Variants in PTPA observed in about 807,000 individuals in gnomAD.
PTPA encodes serine/threonine-protein phosphatase 2A activator.
A neutral mutation model predicts 43.6 loss-of-function variants in PTPA; 13 were observed. The observed-to-expected ratio is 0.30, with a 90% CI of 0.19 to 0.47. The LOEUF (loss-of-function observed/expected upper bound fraction) is 0.47. Among genes scored for constraint, PTPA ranks in the 20% least tolerant of loss-of-function variants. The pLI is 0.99. For synonymous variants in PTPA, 172 were observed against 158.2 expected (o/e 1.09, Z -0.66); for missense variants, 329 against 411.9 (o/e 0.80, Z 1.74).
At chr9:129,135,252 G>T (rs1363903059) in intron 6 of PTPA, among the ~76,000 whole-genome samples, 1 of 152,138 alleles carries the variant, frequency 6.6e-6, no homozygotes, top group East Asian at 1.9e-4. Context: ...AATTAGCTGG[G>T]CGTGGTGGCA....
intron 1 of PTPA, among the ~76,000 whole-genome samples, chr9:129,115,923 C>T (rs1375643890): frequency 6.6e-6 from 1 of 151,700 alleles, no homozygotes; most frequent in East Asian, 1.9e-4. Flanking sequence ...GATTACAGGC[C>T]TGAGCCACCG....
rs35481042 is a variant in PTPA, at chr9:129,136,498, G to A, written c.588G>A (p.Gln196=). ...NRYLEVMRKL[Q]KTYRMEPAGS... The stretch of plus-strand genomic sequence containing the variant: ...ACCTTGAGGTTATGCGGAAACTCCA[G>A]AAAACATACAGGATGGAGCCAGCCG... Residue 196 remains glutamine (Q), a synonymous_variant, in exon 7 of 10, where the codon CAG becomes CAA. Coordinates refer to ENST00000393370, the MANE Select transcript of PTPA (RefSeq NM_178000.3). 6.2e-7 allele frequency: 1 copy of A among 1,613,896 alleles called. No homozygotes were observed. Among genetic ancestry groups the A allele is most frequent in the Non-Finnish European group, 8.5e-7 (1 of 1,179,866 alleles).
intron 5 of PTPA, among the ~76,000 whole-genome samples, chr9:129,134,190 G>C (rs1359728828): frequency 6.6e-6 from 1 of 151,842 alleles, no homozygotes; most frequent in African/African-American, 2.4e-5. Flanking sequence ...TTACATAGTA[G>C]GTGCTCAGTA....
chr9:129,135,577 T>G (rs919135787), intron 6 of PTPA, among the ~76,000 whole-genome samples: 2 of 152,248 alleles, frequency 1.3e-5, no homozygotes, highest in African/African-American at 2.4e-5. Flanking sequence ...GTGTCTTCAC[T>G]GGGTTCACGC....
Position 129,147,573 on chromosome 9 carries a change from A to ACT in PTPA, c.*109_*110insCT. The ACT allele has an allele frequency of 8.2e-7, 1 of 1,226,080 alleles. No individual in the cohort carries two copies. The highest frequency in any genetic ancestry group is 2.5e-5 in the East Asian group (1 of 40,014). 76.0% of individuals were successfully genotyped at this position (1,226,080 alleles called of 1,614,324 possible). ...CCCTCTGTTCGTCCCGTTTGATGAG[A>ACT]GGCTGTTTACTGGGGTGGGGTGGCG... On this transcript the variant is annotated 3_prime_UTR_variant, in exon 10 of 10. Coordinates refer to ENST00000393370, the MANE Select transcript of PTPA (RefSeq NM_178000.3).
chr9:129,143,663 C>G (rs1039022829), intron 9 of PTPA: 5 of 505,614 alleles, frequency 9.9e-6, no homozygotes, highest in Non-Finnish European at 1.8e-5. Context: ...CGCCCCCTCC[C>G]CCTTTGGTCC....
chr9:129,143,044 C>T, intron 9 of PTPA: 1 of 839,458 alleles, frequency 1.2e-6, no homozygotes, highest in South Asian at 1.9e-5. Flanking sequence ...TTATGGACCG[C>T]TTCAGGGATT....
intron 9 of PTPA, 23 bp downstream of exon 9, chr9:129,142,575 G>T: frequency 6.2e-7 from 1 of 1,613,638 alleles, no homozygotes; most frequent in African/African-American, 1.3e-5. Context: ...TGGCCAGTGT[G>T]CCCGTCCCTG....
At chr9:129,147,358 C>A (rs1036966409) in intron 9 of PTPA, 29 bp from the exon 10 acceptor site, 3 of 1,610,548 alleles carry the variant, frequency 1.9e-6, no homozygotes, top group African/African-American at 2.7e-5. Flanking sequence ...TGGCCCTCAC[C>A]ACTCTGCTCA....
At chr9:129,138,254 T>C (rs916578836) in intron 8 of PTPA, 1 of 174,206 alleles carries the variant, frequency 5.7e-6, no homozygotes, top group East Asian at 1.4e-4. Flanking sequence ...CACGGCTGGG[T>C]TCTGGAACTG....
intron 1 of PTPA, among the ~76,000 whole-genome samples, chr9:129,116,258 C>T (rs1475332069): frequency 1.3e-5 from 2 of 152,030 alleles, no homozygotes; most frequent in East Asian, 1.9e-4. Flanking sequence ...GATCTCGGCT[C>T]ACTGCAAGCT....
In PTPA at chr9:129,111,490, T is replaced by G; in HGVS notation, c.-111T>G. The G allele has an allele frequency of 7.9e-7, 1 of 1,264,834 alleles. No individual in the cohort carries two copies. The highest frequency in any genetic ancestry group is 1.0e-6 in the Non-Finnish European group (1 of 996,894). The allele number at this position is 1,264,834 out of a possible 1,614,324, so 78.4% of individuals were successfully genotyped here. ...GTTATAGCCGGCCGGCGCTCACTTG[T>G]CTTCAGGAAGCTCGGAGCCTTTGGT... On this transcript the variant is annotated 5_prime_UTR_variant, in exon 1 of 10. Coordinates refer to ENST00000393370, the MANE Select transcript of PTPA (RefSeq NM_178000.3).
intron 1 of PTPA, among the ~76,000 whole-genome samples, chr9:129,117,365 T>A (rs981978461): frequency 3.3e-5 from 5 of 152,174 alleles, no homozygotes; most frequent in Non-Finnish European, 7.3e-5. Flanking sequence ...ATTCATTTTA[T>A]AAGCTATGAA....
rs1447701412 is a variant in PTPA at position 129,148,269 on chromosome 9, C to T, written c.*805C>T. The T allele has an allele frequency of 1.3e-5, 2 of 152,640 alleles. No homozygotes were observed. The highest frequency in any genetic ancestry group is 3.9e-4 in the East Asian group (2 of 5,190). 9.5% of individuals were successfully genotyped at this position (152,640 alleles called of 1,614,324 possible). A position where few individuals can be genotyped will look rare whatever the true frequency, so the allele number is the denominator to read the frequency against. On this transcript the variant is annotated 3_prime_UTR_variant, in exon 10 of 10. Coordinates refer to ENST00000393370, the MANE Select transcript of PTPA (RefSeq NM_178000.3). ...TGGGGTGAGGCATGTCTTTCCAGAACTTTCCCTGGCAGGGAGGGGATGGCA... is the reference window on the plus strand; with the variant it reads ...TGGGGTGAGGCATGTCTTTCCAGAATTTTCCCTGGCAGGGAGGGGATGGCA...
chr9:129,132,590 T>A (rs1285904094), intron 5 of PTPA, among the ~76,000 whole-genome samples: 1 of 152,180 alleles, frequency 6.6e-6, no homozygotes, highest in Non-Finnish European at 1.5e-5. Flanking sequence ...AACCTCCACC[T>A]CCTGGGTTCA....
chr9:129,141,982 C>T (rs1400436479), intron 8 of PTPA: 1 of 155,046 alleles, frequency 6.4e-6, no homozygotes, highest in East Asian at 1.9e-4. Context: ...GGGGTGGGGC[C>T]TAGCTGCTGC....
chr9:129,142,684 A>G (rs1458612695), intron 9 of PTPA, 132 bp downstream of exon 9: 2 of 1,546,954 alleles, frequency 1.3e-6, no homozygotes, highest in Non-Finnish European at 8.7e-7. Context: ...ATCTTAGGCC[A>G]GCCCCTCTGA....
intron 8 of PTPA, among the ~76,000 whole-genome samples, chr9:129,140,595 G>T (rs1850720491): frequency 6.6e-6 from 1 of 152,234 alleles, no homozygotes; most frequent in African/African-American, 2.4e-5. Context: ...GTGCCCATCT[G>T]CCTGCCTTTG....
chr9:129,114,997 CTTTT>C (rs1848775042), intron 1 of PTPA, among the ~76,000 whole-genome samples: 1 of 152,090 alleles, frequency 6.6e-6, no homozygotes, highest in Non-Finnish European at 1.5e-5. Flanking sequence ...AGTGCCATCC[CTTTT>C]TTTATTTTTA....
Sources: gnomAD v4.1 joint callset for allele counts (sites outside exome capture counted in the v4.1 genomes callset) on GRCh38, gnomAD v4.1.1 for gene constraint, MANE v1.5 for transcripts, NCBI Gene and HGNC (gene_info 2026-07-23, HGNC 2026-07-21) for gene names.